The following ARMC3 variants were observed in gnomAD, a reference collection of about 807,000 sequenced individuals.
ARMC3 encodes armadillo repeat-containing protein 3.
ARMC3 carries 74 observed loss-of-function variants against 90.3 expected under a neutral mutation model. That is an observed-to-expected ratio of 0.82 (90% confidence interval 0.68 to 0.99). The LOEUF (loss-of-function observed/expected upper bound fraction) is 0.99, where lower values mean the gene tolerates loss of function less well. Among genes scored for constraint, ARMC3 ranks in the 50% least tolerant of loss-of-function variants. The pLI is 0.00. For synonymous variants in ARMC3, 334 were observed against 361.8 expected, an observed-to-expected ratio of 0.92 and a Z score of 0.87; for missense variants, 958 against 1,042.8, an observed-to-expected ratio of 0.92 and a Z score of 1.12.
At chr10:22,930,934 T>C (rs1445438618) in intron 1 of ARMC3, among the ~76,000 whole-genome samples, 1 of 138,600 alleles carries the variant, frequency 7.2e-6, no homozygotes, top group Non-Finnish European at 1.6e-5. Context: ...TTGAAAAGTT[T>C]CTTTTTTTTT....
chr10:22,936,942 C>T (rs1834133021), intron 2 of ARMC3, among the ~76,000 whole-genome samples: 1 of 152,050 alleles, frequency 6.6e-6, no homozygotes, highest in Non-Finnish European at 1.5e-5. Context: ...CTTGCTCTGT[C>T]TCCCAGGCTG....
At chr10:23,028,355 G>C (rs932867638) in intron 16 of ARMC3, among the ~76,000 whole-genome samples, 11 of 107,230 alleles carry the variant, frequency 1.0e-4, no homozygotes, top group African/African-American at 2.9e-4. Context: ...TTATTTCTAA[G>C]ATTTTTATAC....
chr10:22,968,654 A>G (rs896301227), intron 8 of ARMC3, among the ~76,000 whole-genome samples, 165 bp downstream of exon 8: 2 of 152,046 alleles, frequency 1.3e-5, no homozygotes, highest in African/African-American at 4.8e-5. Context: ...GGCATGCACC[A>G]CCATGCCTGG....
At chr10:22,982,175 G>A (rs1269002119) in intron 10 of ARMC3, among the ~76,000 whole-genome samples, 2 of 152,146 alleles carry the variant, frequency 1.3e-5, no homozygotes, top group African/African-American at 4.8e-5. Flanking sequence ...TCAGGAGTTC[G>A]AGACTAGCCT....
Position 23,002,056 on chromosome 10 carries a change from G to A in ARMC3, c.1562+1G>A. On this transcript the variant is annotated splice_donor_variant, in intron 12 of 18. Transcript: ENST00000298032. LOFTEE classifies it high-confidence loss of function. ...CGGCCAATGAATTATGCAGGCTCGG[G>A]TGAGTGGATGCCATCTCAAGTTTCT... 6.2e-7 allele frequency: 1 copy of A among 1,613,164 alleles called. No homozygotes were observed. Among genetic ancestry groups the A allele is most frequent in the Non-Finnish European group, 8.5e-7 (1 of 1,179,606 alleles).
intron 8 of ARMC3, among the ~76,000 whole-genome samples, chr10:22,980,816 T>TA (rs1836152569): frequency 6.6e-6 from 1 of 152,236 alleles, no homozygotes; most frequent in South Asian, 2.1e-4. Context: ...TATATTTTGA[T>TA]ATAAGACTAT....
At chr10:22,943,557 A>G (rs908770233) in intron 2 of ARMC3, among the ~76,000 whole-genome samples, 1 of 149,026 alleles carries the variant, frequency 6.7e-6, no homozygotes, top group African/African-American at 2.5e-5. Flanking sequence ...TGTTTTGTTG[A>G]AAAAAAAAAT....
rs761648199 is a variant in ARMC3, at chr10:23,003,257, T to C, written c.1574T>C (p.Ile525Thr). Reference sequence around the variant, plus strand: ...GCTTTTATTGACAGGGCTTTAGATATCCTTGAAGAAGTTAACGTATCAGGA... The same window carrying C: ...GCTTTTATTGACAGGGCTTTAGATACCCTTGAAGAAGTTAACGTATCAGGA... ...NELCRLGALD[I>T]LEEVNVSGTR... The change falls in exon 13 of 19, where the codon ATC (isoleucine) becomes ACC (threonine). Residue 525 changes from isoleucine (I) to threonine (T), a missense_variant. By Grantham distance (89) the Ile-to-Thr change is moderately conservative (BLOSUM62 -1). Coordinates refer to ENST00000298032, the MANE Select transcript of ARMC3 (RefSeq NM_173081.5). The C allele has an allele frequency of 6.2e-7, 1 of 1,612,458 alleles. No homozygotes were observed. Among genetic ancestry groups the C allele is most frequent in the Non-Finnish European group, 8.5e-7 (1 of 1,179,474 alleles).
At chr10:22,987,640 A>G (rs567572853) in intron 10 of ARMC3, among the ~76,000 whole-genome samples, 5 of 152,372 alleles carry the variant, frequency 3.3e-5, no homozygotes, top group African/African-American at 1.2e-4. Context: ...GTTTTGTTAC[A>G]GTAAATGCAT....
At chr10:22,938,481 A>G (rs1834198854) in intron 2 of ARMC3, among the ~76,000 whole-genome samples, 1 of 152,212 alleles carries the variant, frequency 6.6e-6, no homozygotes, top group Non-Finnish European at 1.5e-5. Flanking sequence ...AATGTGGGAG[A>G]AACATGAAAA....
intron 2 of ARMC3, among the ~76,000 whole-genome samples, chr10:22,944,654 G>A (rs1176231946): frequency 6.6e-6 from 1 of 152,118 alleles, no homozygotes; most frequent in Non-Finnish European, 1.5e-5. Context: ...GTGTCACTTG[G>A]GTGATGTGAG....
At chr10:23,014,143 T>G in intron 16 of ARMC3, 1 of 1,543,324 alleles carries the variant, frequency 6.5e-7, no homozygotes, top group Non-Finnish European at 8.7e-7. Context: ...CTCCTAGGAT[T>G]TAAGAGGATT....
rs372060377 is a variant in ARMC3 at position 23,006,885 on chromosome 10, T to C, written c.1733T>C (p.Ile578Thr). 9.9e-6 allele frequency: 16 copies of C among 1,613,884 alleles called. No individual in the cohort carries two copies. The African/African-American group carries it at 1.2e-4, about 12-fold the overall frequency. ...INDGFYDYGR[I>T]NPGTKLLPLK... is the part of the protein sequence containing the mutation. ...TTTGGTCCTTAAATTATCTCACAGA[T>C]AAATCCCGGCACCAAACTGTTGCCT... Residue 578 changes from isoleucine to threonine, a missense_variant and splice_region_variant, in exon 14 of 19, where the codon ATA becomes ACA. Ile to Thr is a moderately conservative substitution (Grantham distance 89). Transcript: ENST00000298032.
chr10:22,952,301 T>C (rs959148743), intron 3 of ARMC3, among the ~76,000 whole-genome samples: 6 of 152,034 alleles, frequency 3.9e-5, no homozygotes, highest in Admixed American at 1.3e-4. Context: ...GATGGATTGA[T>C]AGACAAAATA....
At chr10:22,964,739 C>G (rs1424373733) in intron 7 of ARMC3, among the ~76,000 whole-genome samples, 1 of 150,786 alleles carries the variant, frequency 6.6e-6, no homozygotes, top group Non-Finnish European at 1.5e-5. Context: ...CTGCACCCGG[C>G]CCCCCGTAGT....
chr10:23,036,111 G>A (rs75816974), intron 18 of ARMC3, among the ~76,000 whole-genome samples: 9,065 of 152,224 alleles, frequency 0.06, 333 homozygotes, highest in Middle Eastern at 0.12. Flanking sequence ...CACAGGGTTG[G>A]TTGTTTTGAT....
chr10:23,032,871 G>GA lies in ARMC3; in HGVS notation c.2263dup (p.Met755AsnfsTer4), dbSNP rs1838970179. On this transcript the variant is annotated frameshift_variant, in exon 18 of 19. Transcript: ENST00000298032. LOFTEE classifies it high-confidence loss of function. The stretch of plus-strand genomic sequence containing the variant: ...ATGTAATTGACACAGGTATGTAGCA[G>GA]AAAAAATGGGTGGTAAGATTCCAAA... The GA allele has an allele frequency of 2.5e-6, 4 of 1,611,740 alleles. No homozygotes were observed. The highest frequency in any genetic ancestry group is 3.4e-6 in the Non-Finnish European group (4 of 1,179,028).
rs532433293 is a variant in ARMC3 at position 22,952,368 on chromosome 10, C to A, written c.167-3439C>A. Among the ~76,000 whole-genome samples the A allele has an allele frequency of 2.0e-5, 3 of 152,002 alleles. No individual in the cohort carries two copies. In the East Asian group the frequency reaches 5.8e-4, roughly 29 times the overall value. The stretch of plus-strand genomic sequence containing the variant: ...GGGAGAAGGGACATCACTAGAGATC[C>A]TACAGATATTAACAGGATAAGAGGA... On this transcript the variant is annotated intron_variant, in intron 3 of 18. Transcript: ENST00000298032.
intron 2 of ARMC3, among the ~76,000 whole-genome samples, chr10:22,934,346 T>A (rs1834037956): frequency 2.0e-5 from 3 of 152,252 alleles, no homozygotes; most frequent in African/African-American, 7.2e-5. Flanking sequence ...CTGATTACAT[T>A]TCCTTCTCAT....
Sources: gnomAD v4.1 joint callset for allele counts (sites outside exome capture counted in the v4.1 genomes callset) on GRCh38, gnomAD v4.1.1 for gene constraint, MANE v1.5 for transcripts, NCBI Gene and HGNC (gene_info 2026-07-23, HGNC 2026-07-21) for gene names.